The following ARAP2 variants were observed in gnomAD, a reference collection of about 807,000 sequenced individuals.
ARAP2 encodes the protein ArfGAP with RhoGAP domain, ankyrin repeat and PH domain 2.
ARAP2 carries 148 observed loss-of-function variants against 194.5 expected under a neutral mutation model. That is an observed-to-expected ratio of 0.76 (90% CI 0.67 to 0.87). ARAP2 has a LOEUF of 0.87. Ranked by LOEUF, ARAP2 falls within the 40% of genes least tolerant of loss-of-function variation. The pLI is 0.00. For missense variants in ARAP2, 2,128 were observed against 1,989.7 expected, an observed-to-expected ratio of 1.07 and a Z score of -1.32; for synonymous variants, 695 against 683.5, an observed-to-expected ratio of 1.02 and a Z score of -0.26.
chr4:36,031,539 A>G (rs1012187086), intron 5 of ARAP2, among the ~76,000 whole-genome samples: 1 of 152,236 alleles, frequency 6.6e-6, no homozygotes, highest in Non-Finnish European at 1.5e-5. Context: ...TTAACATAAC[A>G]AATACCTATA....
chr4:36,142,198 T>A (rs894225975), intron 19 of ARAP2, among the ~76,000 whole-genome samples: 1 of 151,722 alleles, frequency 6.6e-6, no homozygotes, highest in African/African-American at 2.4e-5. Flanking sequence ...CACTACCACA[T>A]GGAGAAAACT....
At chr4:36,058,873 G>A (rs1179543867) in intron 1 of ARAP2, among the ~76,000 whole-genome samples, 2 of 152,158 alleles carry the variant, frequency 1.3e-5, no homozygotes, top group Admixed American at 1.3e-4. Flanking sequence ...AGATAAAGGG[G>A]ATAGCAGAAA....
chr4:36,217,004 C>T (rs1469804704), intron 2 of ARAP2, among the ~76,000 whole-genome samples: 2 of 152,146 alleles, frequency 1.3e-5, no homozygotes, highest in Non-Finnish European at 2.9e-5. Flanking sequence ...TGGTGCAGGA[C>T]TGCATATTCT....
intron 3 of ARAP2, among the ~76,000 whole-genome samples, chr4:36,051,268 G>A (rs753780780): frequency 6.6e-6 from 1 of 152,022 alleles, no homozygotes; most frequent in Non-Finnish European, 1.5e-5. Flanking sequence ...TTGGGAGGCT[G>A]AGGAGCTCGA....
intron 15 of ARAP2, chr4:36,157,636 C>T (rs990064038): frequency 5.9e-5 from 9 of 152,262 alleles, no homozygotes; most frequent in East Asian, 1.9e-4. Flanking sequence ...ATCACATCAA[C>T]GATCTTGCAG....
intron 1 of ARAP2, among the ~76,000 whole-genome samples, chr4:36,235,566 A>T (rs1157599026): frequency 6.6e-6 from 1 of 152,124 alleles, no homozygotes; most frequent in African/African-American, 2.4e-5. Context: ...ATCTGTCTCC[A>T]CGGCTTCTAC....
At chr4:36,059,221 TAA>T (rs1295934658) in intron 1 of ARAP2, among the ~76,000 whole-genome samples, 2 of 152,218 alleles carry the variant, frequency 1.3e-5, no homozygotes, top group African/African-American at 4.8e-5. Flanking sequence ...CATTCCATTT[TAA>T]CTTTACTGAA....
At chr4:36,233,230 T>C (rs1751846016) in intron 1 of ARAP2, among the ~76,000 whole-genome samples, 1 of 152,312 alleles carries the variant, frequency 6.6e-6, no homozygotes, top group South Asian at 2.1e-4. Context: ...TGCCTAATTA[T>C]AAAATTCCAG....
downstream of ARAP2, among the ~76,000 whole-genome samples, chr4:36,061,902 A>C (rs977735224): frequency 3.3e-5 from 5 of 152,106 alleles, no homozygotes; most frequent in African/African-American, 1.2e-4. Flanking sequence ...CTGCCAACTT[A>C]TGTTGAGCAT....
intron 25 of ARAP2, among the ~76,000 whole-genome samples, chr4:36,114,679 G>A (rs943318613): frequency 2.0e-5 from 3 of 151,888 alleles, no homozygotes; most frequent in African/African-American, 7.2e-5. Context: ...ATTCAGCCTA[G>A]ATTCTAAATT....
At chr4:36,173,702 T>A (rs1260200444) in intron 9 of ARAP2, among the ~76,000 whole-genome samples, 2 of 152,152 alleles carry the variant, frequency 1.3e-5, no homozygotes, top group African/African-American at 2.4e-5. Context: ...AAAAAAACTC[T>A]TCTGTGAAAA....
At chr4:36,033,894 T>C (rs1281029348) in intron 5 of ARAP2, among the ~76,000 whole-genome samples, 1 of 152,176 alleles carries the variant, frequency 6.6e-6, no homozygotes, top group Non-Finnish European at 1.5e-5. Context: ...GCACCATTTA[T>C]TGAATAGGGA....
intron 2 of ARAP2, among the ~76,000 whole-genome samples, chr4:36,227,761 A>C (rs1462059794): frequency 6.6e-6 from 1 of 152,226 alleles, no homozygotes; most frequent in Non-Finnish European, 1.5e-5. Context: ...ACAAGGGTTA[A>C]GTTTTAATGG....
chr4:36,014,318 GAA>G (rs202112315), intron 8 of ARAP2, among the ~76,000 whole-genome samples: 7,413 of 118,800 alleles, frequency 0.062, 419 homozygotes, highest in Admixed American at 0.078. Context: ...AGGAAAGAAA[GAA>G]AGAGAGAAAG....
intron 5 of ARAP2, among the ~76,000 whole-genome samples, chr4:36,035,025 A>C (rs1257681694): frequency 6.6e-6 from 1 of 152,058 alleles, no homozygotes; most frequent in African/African-American, 2.4e-5. Context: ...AAGTTCATCA[A>C]GGATATTGGC....
intron 5 of ARAP2, among the ~76,000 whole-genome samples, chr4:36,021,590 G>C (rs573985972): frequency 6.6e-6 from 1 of 152,274 alleles, no homozygotes; most frequent in Admixed American, 6.5e-5. Flanking sequence ...TAAGCTTCCA[G>C]AGGGCTCCCA....
intron 5 of ARAP2, among the ~76,000 whole-genome samples, chr4:36,040,914 C>T (rs1176512103): frequency 6.6e-6 from 1 of 152,068 alleles, no homozygotes; most frequent in Admixed American, 6.6e-5. Flanking sequence ...TTGTCTTGTG[C>T]CTGTTTTCAA....
At chr4:36,151,814 A>G (rs1411509952) in intron 15 of ARAP2, among the ~76,000 whole-genome samples, 2 of 152,148 alleles carry the variant, frequency 1.3e-5, no homozygotes, top group Non-Finnish European at 2.9e-5. Context: ...TATGTGTATT[A>G]TACATAGGCA....
chr4:36,128,093 A>T (rs1724405913), intron 21 of ARAP2, among the ~76,000 whole-genome samples: 2 of 152,154 alleles, frequency 1.3e-5, no homozygotes, highest in South Asian at 4.1e-4. Flanking sequence ...AAGTTAAAAA[A>T]ATTGTTATAT....
Sources: gnomAD v4.1 joint callset for allele counts (sites outside exome capture counted in the v4.1 genomes callset) on GRCh38, gnomAD v4.1.1 for gene constraint, MANE v1.5 for transcripts, NCBI Gene and HGNC (gene_info 2026-07-23, HGNC 2026-07-21) for gene names.